Variants in SYN3 observed in about 807,000 individuals in gnomAD.
SYN3 encodes synapsin-3.
SYN3 carries 35 observed loss-of-function variants against 65.8 expected under a neutral mutation model. The observed-to-expected ratio is 0.53, with a 90% CI of 0.41 to 0.70. The LOEUF is 0.70. SYN3 is among the 30% of genes least tolerant of loss of function. The probability of loss-of-function intolerance (pLI) is 0.00; values close to 1 mark genes in which losing one functional copy is unlikely to be tolerated. For missense variants in SYN3, 680 were observed against 749.0 expected (o/e 0.91, Z 1.08); for synonymous variants, 270 against 292.9 (o/e 0.92, Z 0.80).
At chr22:33,022,027 G>T (rs2053569240) in intron 1 of SYN3, among the ~76,000 whole-genome samples, 1 of 152,168 alleles carries the variant, frequency 6.6e-6, no homozygotes, top group Non-Finnish European at 1.5e-5. Context: ...TTATACAAAA[G>T]AAAGCAGCTG....
Position 32,988,424 on chromosome 22 carries a change from G to C in SYN3, c.312-7722C>G, listed in dbSNP as rs114045722. On this transcript the variant is annotated intron_variant, in intron 2 of 13. Coordinates refer to ENST00000358763, the MANE Select transcript of SYN3 (RefSeq NM_003490.4). ...GATTGAGGATAAGATGTGGGGTGCAGGGGAAATTGGACTTCAGTTGGTAGA... is the reference window on the plus strand; with the variant it reads ...GATTGAGGATAAGATGTGGGGTGCACGGGAAATTGGACTTCAGTTGGTAGA... Among the ~76,000 whole-genome samples the C allele has an allele frequency of 6.0e-3, 913 of 152,024 alleles. 5 individuals are homozygous for C. Among genetic ancestry groups the C allele is most frequent in the African/African-American group, 0.019 (785 of 41,494 alleles).
At chr22:32,519,842 C>T (rs2057847142) in intron 12 of SYN3, among the ~76,000 whole-genome samples, 4 of 152,060 alleles carry the variant, frequency 2.6e-5, no homozygotes, top group Admixed American at 6.6e-5. Context: ...TTGAGAGCAC[C>T]GTAGGCACGT....
chr22:32,719,705 AG>A (rs2061089017), intron 6 of SYN3, among the ~76,000 whole-genome samples: 1 of 152,126 alleles, frequency 6.6e-6, no homozygotes, highest in African/African-American at 2.4e-5. Context: ...AAACAAAGCC[AG>A]GTGTGGTGGC....
intron 1 of SYN3, among the ~76,000 whole-genome samples, chr22:33,043,721 A>G (rs1352634264): frequency 6.6e-6 from 1 of 151,972 alleles, no homozygotes; most frequent in Non-Finnish European, 1.5e-5. Flanking sequence ...ACTCGTCCAT[A>G]AGCTTGTGGT....
At chr22:32,765,319 C>G (rs534789614) in intron 6 of SYN3, among the ~76,000 whole-genome samples, 15 of 152,266 alleles carry the variant, frequency 9.9e-5, no homozygotes, top group Admixed American at 5.2e-4. Context: ...CGCCACAAAC[C>G]TCGCTCGCCC....
intron 7 of SYN3, among the ~76,000 whole-genome samples, chr22:32,581,748 T>C (rs1452865777): frequency 6.6e-6 from 1 of 150,610 alleles, no homozygotes; most frequent in African/African-American, 2.4e-5. Context: ...AGATAATTGA[T>C]TCTTTTTTTC....
At chr22:32,578,727 A>C (rs1411440130) in intron 7 of SYN3, among the ~76,000 whole-genome samples, 1 of 152,230 alleles carries the variant, frequency 6.6e-6, no homozygotes, top group Non-Finnish European at 1.5e-5. Context: ...AGTATCTAGC[A>C]ATCAGGTGGC....
At chr22:32,803,925 C>G (rs184434211) in intron 6 of SYN3, among the ~76,000 whole-genome samples, 2 of 152,270 alleles carry the variant, frequency 1.3e-5, no homozygotes, top group East Asian at 3.9e-4. Context: ...AAATTGACCA[C>G]GGAAAAGTGA....
intron 6 of SYN3, among the ~76,000 whole-genome samples, chr22:32,630,375 A>T (rs934679673): frequency 6.6e-6 from 1 of 152,248 alleles, no homozygotes; most frequent in Admixed American, 6.5e-5. Context: ...AGCTGAGGCT[A>T]CACGTATGTC....
intron 1 of SYN3, among the ~76,000 whole-genome samples, chr22:33,045,163 T>C (rs2054038307): frequency 6.6e-6 from 1 of 152,078 alleles, no homozygotes; most frequent in Non-Finnish European, 1.5e-5. Context: ...CTTAAATACA[T>C]TACAGTTTGA....
chr22:33,050,204 AG>A (rs1444391017), intron 1 of SYN3, among the ~76,000 whole-genome samples: 5 of 152,116 alleles, frequency 3.3e-5, no homozygotes, highest in African/African-American at 4.8e-5. Flanking sequence ...GGGCTTGGCC[AG>A]GCACAGTGGC....
chr22:32,958,249 G>A (rs939134768), intron 3 of SYN3, among the ~76,000 whole-genome samples: 1 of 152,066 alleles, frequency 6.6e-6, no homozygotes, highest in Non-Finnish European at 1.5e-5. Flanking sequence ...CTTCATAAAC[G>A]ACTCCCCCTA....
chr22:32,734,372 GT>G (rs1257680927), intron 6 of SYN3, among the ~76,000 whole-genome samples: 2 of 152,218 alleles, frequency 1.3e-5, no homozygotes, highest in East Asian at 3.9e-4. Context: ...GGCAGCTGCT[GT>G]TTTGTACACA....
chr22:32,987,307 G>C (rs1027079446), intron 2 of SYN3, among the ~76,000 whole-genome samples: 4 of 152,198 alleles, frequency 2.6e-5, no homozygotes, highest in Non-Finnish European at 4.4e-5. Flanking sequence ...TGCAGAAAAT[G>C]AAGGCAAAAC....
intron 6 of SYN3, among the ~76,000 whole-genome samples, chr22:32,845,858 C>T (rs2048046383): frequency 6.6e-6 from 1 of 152,212 alleles, no homozygotes; most frequent in Non-Finnish European, 1.5e-5. Context: ...TTCCCTGTGG[C>T]CCCTGGGCCA....
At chr22:32,650,251 C>T (rs1488162557) in intron 6 of SYN3, among the ~76,000 whole-genome samples, 27 of 109,070 alleles carry the variant, frequency 2.5e-4, no homozygotes, top group South Asian at 1.4e-3. Context: ...CCCTCCCTCC[C>T]TCCCTCCCTC....
intron 12 of SYN3, 32 bp downstream of exon 12, chr22:32,527,886 G>C (rs1344582545): frequency 1.3e-6 from 2 of 1,562,350 alleles, no homozygotes; most frequent in Non-Finnish European, 1.7e-6. Context: ...CTCACTGCAT[G>C]CTTTCTTGCA....
intron 4 of SYN3, among the ~76,000 whole-genome samples, chr22:32,913,467 A>AT (rs955770340): frequency 5.8e-3 from 841 of 144,748 alleles, no homozygotes; most frequent in African/African-American, 0.016. Context: ...CAAGTCTATT[A>AT]TTTTTTTTTT....
At chr22:32,720,637 C>T (rs962018525) in intron 6 of SYN3, among the ~76,000 whole-genome samples, 4 of 152,242 alleles carry the variant, frequency 2.6e-5, no homozygotes, top group African/African-American at 9.7e-5. Flanking sequence ...ATCACCACCA[C>T]TGTGCTAACT....
Sources: allele counts gnomAD v4.1 joint callset (sites outside exome capture counted in the v4.1 genomes callset), GRCh38; gene constraint gnomAD v4.1.1; transcripts MANE v1.5; gene names NCBI Gene and HGNC (gene_info 2026-07-23, HGNC 2026-07-21).